GDF5: variants seen among roughly 807,000 people sequenced by gnomAD.
GDF5 encodes the protein growth differentiation factor 5.
Under a neutral mutation model 34.6 loss-of-function variants are expected in GDF5, and 17 were observed. The ratio of observed to expected loss-of-function variants is 0.49; its 90% CI spans 0.34 to 0.74. The LOEUF is 0.74. Among genes scored for constraint, GDF5 ranks in the 30% least tolerant of loss-of-function variants. The pLI is 0.01. For missense variants in GDF5, 616 were observed against 661.2 expected, an observed-to-expected ratio of 0.93 and a Z score of 0.75; for synonymous variants, 332 against 290.7, an observed-to-expected ratio of 1.14 and a Z score of -1.44.
chr20:35,437,766 G>C lies in GDF5; in HGVS notation c.163C>G (p.Arg55Gly), dbSNP rs755054277. Residue 55 changes from arginine (R) to glycine (G), a missense_variant, in exon 1 of 2, where the codon CGG (arginine) becomes GGG (glycine). Coordinates refer to ENST00000374369, the MANE Select transcript of GDF5 (RefSeq NM_000557.5). Reference protein sequence around the residue: ...AEAKERPPLARNVFRPGGHSY... With the variant: ...AEAKERPPLAGNVFRPGGHSY... ...TGACCCCCTGGCCTGAAGACGTTCC[G>C]GGCCAGGGGGGGCCTCTCCTTGGCC... 1 of 1,611,812 alleles carries C rather than the reference G, an allele frequency of 6.2e-7. No homozygotes were observed. Among genetic ancestry groups the C allele is most frequent in the East Asian group, 2.2e-5 (1 of 44,832 alleles).
Position 35,434,237 on chromosome 20 carries a change from C to T in GDF5, c.1178G>A (p.Ser393Asn), listed in dbSNP as rs1353428620. 6.2e-7 allele frequency: 1 copy of T among 1,614,076 alleles called. No homozygotes were observed. The highest frequency in any genetic ancestry group is 1.3e-5 in the African/African-American group (1 of 74,942). Residue 393 changes from serine to asparagine, a missense_variant, in exon 2 of 2, where the codon AGC becomes AAC. Physicochemically the swap from Ser to Asn is conservative, Grantham distance 46. Coordinates refer to ENST00000374369, the MANE Select transcript of GDF5 (RefSeq NM_000557.5). ...PLATRQGKRP[S>N]KNLKARCSRK... Reference sequence around the variant, plus strand: ...ACTGCAGCGAGCCTTAAGGTTCTTGCTGGGTCGCTTGCCCTGGCGAGTGGC... The same window carrying T: ...ACTGCAGCGAGCCTTAAGGTTCTTGTTGGGTCGCTTGCCCTGGCGAGTGGC...
chr20:35,437,636 G>A lies in GDF5; in HGVS notation c.293C>T (p.Pro98Leu). The change falls in exon 1 of 2, where the codon CCC becomes CTC. Residue 98 changes from proline to leucine, a missense_variant. Coordinates refer to ENST00000374369, the MANE Select transcript of GDF5 (RefSeq NM_000557.5). The part of the protein sequence containing the change: ...QPKKDEPKKL[P>L]PRPGGPEPKP... ...GGGTTCAGGGCCGCCCGGTCTGGGG[G>A]GCAGCTTTTTGGGTTCATCCTTCTT... The A allele has an allele frequency of 6.2e-7, 1 of 1,614,128 alleles. No homozygotes were observed. Among genetic ancestry groups the A allele is most frequent in the East Asian group, 2.2e-5 (1 of 44,866 alleles).
chr20:35,434,140 C>A lies in GDF5; in HGVS notation c.1275G>T (p.Glu425Asp), dbSNP rs1218645729. ...CGCACAGCCCCTCGCAGTGGAAAGC[C>A]TCGTACTCAAGGGGTGCGATGATCC... ...DDWIIAPLEY[E>D]AFHCEGLCEF... The change falls in exon 2 of 2, where the codon GAG becomes GAT. Residue 425 changes from glutamate (E) to aspartate (D), a missense_variant. Coordinates refer to ENST00000374369, the MANE Select transcript of GDF5 (RefSeq NM_000557.5). 2 of 1,614,180 alleles carry A rather than the reference C, an allele frequency of 1.2e-6. No individual in the cohort carries two copies. Among genetic ancestry groups the A allele is most frequent in the Non-Finnish European group, 1.7e-6 (2 of 1,180,028 alleles).
intron 1 of GDF5, among the ~76,000 whole-genome samples, chr20:35,448,397 CAAA>C (rs143351308): frequency 0.013 from 1,442 of 110,508 alleles, 41 homozygotes; most frequent in African/African-American, 0.05. Context: ...TTGTTTTTTT[CAAA>C]AAAAAAAAAA....
chr20:35,443,993 A>G (rs1270654975), intron 1 of GDF5, among the ~76,000 whole-genome samples: 3 of 152,132 alleles, frequency 2.0e-5, no homozygotes, highest in African/African-American at 7.2e-5. Flanking sequence ...ACAGCAGCTG[A>G]GAGAACAGGC....
rs2062453985 is a variant in GDF5, at chr20:35,433,848, C to T, written c.*61G>A. The stretch of plus-strand genomic sequence containing the variant: ...ACAGCTTCCTGACCCCTCTGTGATT[C>T]CAGGAGTGCAGGAAGGGGCTCTTGG... On this transcript the variant is annotated 3_prime_UTR_variant, in exon 2 of 2. Transcript: ENST00000374369. 1 of 1,397,506 alleles carries T rather than the reference C, an allele frequency of 7.2e-7. No individual in the cohort carries two copies. Among genetic ancestry groups the T allele is most frequent in the East Asian group, 2.3e-5 (1 of 43,952 alleles). The allele number at this position is 1,397,506 out of a possible 1,614,324, so 86.6% of individuals were successfully genotyped here.
chr20:35,438,687 G>C (rs554268575), upstream of GDF5, among the ~76,000 whole-genome samples: 1 of 152,120 alleles, frequency 6.6e-6, no homozygotes, highest in Non-Finnish European at 1.5e-5. Context: ...CCACTTTCCC[G>C]AGGAGAGATG....
At chr20:35,451,056 A>ATATATATATATATATAT (rs2062530262) in intron 1 of GDF5, among the ~76,000 whole-genome samples, 1 of 67,040 alleles carries the variant, frequency 1.5e-5, no homozygotes, top group African/African-American at 7.5e-5. Flanking sequence ...AAAAAAAAAA[A>ATATATATATATATATAT]AAAAAAAAAT....
At chr20:35,446,973 TTTC>T (rs1248686840) in intron 1 of GDF5, among the ~76,000 whole-genome samples, 1 of 152,000 alleles carries the variant, frequency 6.6e-6, no homozygotes, top group Non-Finnish European at 1.5e-5. Flanking sequence ...CCTGGTTTCT[TTTC>T]TTTTCTTTTT....
Position 35,434,043 on chromosome 20 carries a change from G to A in GDF5, c.1372C>T (p.Pro458Ser). The A allele has an allele frequency of 6.2e-7, 1 of 1,614,046 alleles. No individual in the cohort carries two copies. Among genetic ancestry groups the A allele is most frequent in the Non-Finnish European group, 8.5e-7 (1 of 1,179,968 alleles). Reference protein sequence around the residue: ...VIQTLMNSMDPESTPPTCCVP... With the variant: ...VIQTLMNSMDSESTPPTCCVP... ...CAGCAGGTGGGTGGTGTGGACTCGG[G>A]GTCCATGGAGTTCATCAGGGTCTGG... The change falls in exon 2 of 2, where the codon CCC becomes TCC. Residue 458 changes from proline (P) to serine (S), a missense_variant. Pro to Ser is a moderately conservative substitution (Grantham distance 74). Transcript: ENST00000374369.
At chr20:35,435,652 C>CAGCAAGTTAATGACAA (rs1246098805) in intron 1 of GDF5, among the ~76,000 whole-genome samples, 1 of 151,932 alleles carries the variant, frequency 6.6e-6, no homozygotes, top group Non-Finnish European at 1.5e-5. Context: ...TAAGGTCACA[C>CAGCAAGTTAATGACAA]AGCAAGTTAA....
intron 1 of GDF5, among the ~76,000 whole-genome samples, chr20:35,451,155 T>C (rs1055260144): frequency 3.4e-5 from 5 of 148,558 alleles, no homozygotes; most frequent in Non-Finnish European, 6.0e-5. Flanking sequence ...TATATATATA[T>C]ATTTTTTAAT....
chr20:35,433,945 A>G lies in GDF5; in HGVS notation c.1470T>C (p.Tyr490=). ...DSANNVVYKQ[Y]EDMVVESCGC... is the part of the protein sequence containing the mutation. ...CACACGACTCCACGACCATGTCCTCATACTGCTTATACACCACGTTGTTGG... is the reference window on the plus strand; with the variant it reads ...CACACGACTCCACGACCATGTCCTCGTACTGCTTATACACCACGTTGTTGG... The change falls in exon 2 of 2, where the codon TAT becomes TAC. Residue 490 remains tyrosine, a synonymous_variant. Transcript: ENST00000374369. 6.2e-7 allele frequency: 1 copy of G among 1,614,072 alleles called. No homozygotes were observed. Among genetic ancestry groups the G allele is most frequent in the African/African-American group, 1.3e-5 (1 of 75,022 alleles).
In GDF5 at chr20:35,451,070, T is replaced by TATATATAA. The variant is rs2062531030; in HGVS notation, c.-398+3569_-398+3570insTTATATAT. Among the ~76,000 whole-genome samples, 15 of 34,768 alleles carry TATATATAA rather than the reference T, an allele frequency of 4.3e-4. 1 individual carries two copies. The highest frequency in any genetic ancestry group is 1.6e-3 in the African/African-American group (6 of 3,732). The allele number at this position is 34,768 out of a possible 152,430, so 22.8% of individuals were successfully genotyped here. ...AAAAAAAAAAAAAAAAAAAAATATA[T>TATATATAA]ATATATATATATATATATATATACA... On this transcript the variant is annotated intron_variant, in intron 1 of 3. Coordinates refer to the GDF5 transcript ENST00000374372.
chr20:35,453,059 C>T (rs2062539615), intron 1 of GDF5, among the ~76,000 whole-genome samples: 1 of 151,968 alleles, frequency 6.6e-6, no homozygotes, highest in Admixed American at 6.6e-5. Context: ...ACCATCCTGG[C>T]TAACACGGTG....
chr20:35,454,199 A>G, intron 1 of GDF5: 1 of 361,768 alleles, frequency 2.8e-6, no homozygotes, highest in South Asian at 2.1e-5. Context: ...CACGCCTGTA[A>G]TCCCAGCCCT....
chr20:35,443,548 G>C (rs945888154), intron 1 of GDF5, among the ~76,000 whole-genome samples: 2 of 151,930 alleles, frequency 1.3e-5, no homozygotes, highest in Non-Finnish European at 2.9e-5. Context: ...GTCTAGTTCT[G>C]TTGCCCAGGC....
rs570118140 is a variant in GDF5 at position 35,434,127 on chromosome 20, C to T, written c.1288G>A (p.Glu430Lys). 6 of 1,614,140 alleles carry T rather than the reference C, an allele frequency of 3.7e-6. No homozygotes were observed. Among genetic ancestry groups the T allele is most frequent in the South Asian group, 3.3e-5 (3 of 91,078 alleles). The part of the protein sequence containing the change: ...APLEYEAFHC[E>K]GLCEFPLRSH... ...CGCAATGGGAACTCGCACAGCCCCT[C>T]GCAGTGGAAAGCCTCGTACTCAAGG... Residue 430 changes from glutamate to lysine, a missense_variant, in exon 2 of 2, where the codon GAG (glutamate) becomes AAG (lysine). Coordinates refer to ENST00000374369, the MANE Select transcript of GDF5 (RefSeq NM_000557.5).
At chr20:35,448,681 C>A (rs1472973435) in intron 1 of GDF5, among the ~76,000 whole-genome samples, 3 of 151,736 alleles carry the variant, frequency 2.0e-5, no homozygotes, top group African/African-American at 7.3e-5. Context: ...TGGCTTCAAG[C>A]GATCCACTTG....
Sources: allele counts gnomAD v4.1 joint callset (sites outside exome capture counted in the v4.1 genomes callset), GRCh38; gene constraint gnomAD v4.1.1; transcripts MANE v1.5; gene names NCBI Gene and HGNC (gene_info 2026-07-23, HGNC 2026-07-21).